WDPCP: variants seen among roughly 807,000 people sequenced by gnomAD.
The protein encoded by WDPCP is WD repeat containing planar cell polarity effector.
A neutral mutation model predicts 93.1 loss-of-function variants in WDPCP; 71 were observed. The observed-to-expected ratio is 0.76, with a 90% CI of 0.63 to 0.93. WDPCP has a LOEUF of 0.93. WDPCP is among the 40% of genes least tolerant of loss of function. WDPCP has a pLI of 0.00. For synonymous variants in WDPCP, 315 were observed against 315.0 expected (o/e 1.00, Z 0.00); for missense variants, 844 against 887.4 (o/e 0.95, Z 0.62).
At chr2:63,220,081 C>A (rs2104474203) in intron 14 of WDPCP, among the ~76,000 whole-genome samples, 1 of 152,234 alleles carries the variant, frequency 6.6e-6, no homozygotes, top group East Asian at 1.9e-4. Context: ...GACTGCACCT[C>A]CTTCTTCTGC....
chr2:63,271,386 C>T (rs1481016531), intron 13 of WDPCP, among the ~76,000 whole-genome samples: 2 of 152,180 alleles, frequency 1.3e-5, no homozygotes, highest in African/African-American at 4.8e-5. Context: ...GATTGATCTG[C>T]TTGTCTGCCA....
intron 2 of WDPCP, among the ~76,000 whole-genome samples, chr2:63,765,637 C>A (rs1295267708): frequency 6.6e-6 from 1 of 152,124 alleles, no homozygotes; most frequent in Non-Finnish European, 1.5e-5. Context: ...AACATTGTCC[C>A]AAAGACATGG....
intron 2 of WDPCP, among the ~76,000 whole-genome samples, chr2:63,760,808 G>C (rs1670046163): frequency 6.6e-6 from 1 of 152,136 alleles, no homozygotes; most frequent in Admixed American, 6.5e-5. Context: ...CCTAAATTCT[G>C]CTTTCCTTGT....
chr2:63,535,363 T>C (rs372614772), intron 1 of WDPCP, among the ~76,000 whole-genome samples: 1 of 152,172 alleles, frequency 6.6e-6, no homozygotes, highest in Non-Finnish European at 1.5e-5. Context: ...AAAACTACTT[T>C]AAAGTTCATA....
intron 14 of WDPCP, among the ~76,000 whole-genome samples, chr2:63,252,805 A>G (rs1559249143): frequency 6.6e-6 from 1 of 152,238 alleles, no homozygotes; most frequent in Non-Finnish European, 1.5e-5. Flanking sequence ...CTGGATTGGA[A>G]AAATCAATAT....
chr2:63,325,033 C>T (rs1363913992), intron 12 of WDPCP, among the ~76,000 whole-genome samples: 2 of 152,148 alleles, frequency 1.3e-5, no homozygotes, highest in Non-Finnish European at 2.9e-5. Context: ...CAGGAGAAAG[C>T]TCCAAAAGCA....
intron 1 of WDPCP, among the ~76,000 whole-genome samples, chr2:63,528,653 C>A (rs980095060): frequency 6.6e-6 from 1 of 152,008 alleles, no homozygotes; most frequent in African/African-American, 2.4e-5. Context: ...TAGCATGATG[C>A]CTCCAGCTTT....
At chr2:63,515,572 CATTT>C (rs1702498491) in intron 1 of WDPCP, among the ~76,000 whole-genome samples, 1 of 152,166 alleles carries the variant, frequency 6.6e-6, no homozygotes, top group African/African-American at 2.4e-5. Context: ...TTAGAGATTG[CATTT>C]ATTTGTTTCT....
chr2:63,604,582 C>T (rs1262923102), intron 3 of WDPCP: 4 of 814,210 alleles, frequency 4.9e-6, no homozygotes, highest in Non-Finnish European at 5.7e-6. Context: ...CTCTTGTGTT[C>T]TCTTGAAATT....
intron 3 of WDPCP, among the ~76,000 whole-genome samples, chr2:63,611,942 T>C (rs1424942201): frequency 2.0e-5 from 3 of 152,190 alleles, no homozygotes; most frequent in African/African-American, 7.2e-5. Context: ...AGAATAGACA[T>C]CTTTAAAACC....
intron 14 of WDPCP, among the ~76,000 whole-genome samples, chr2:63,191,174 C>A (rs1222633152): frequency 6.6e-6 from 1 of 152,174 alleles, no homozygotes; most frequent in African/African-American, 2.4e-5. Flanking sequence ...AGGCGGATCA[C>A]AAGGTCAGGA....
At chr2:63,656,969 AAGT>A (rs1710174339) in intron 2 of WDPCP, among the ~76,000 whole-genome samples, 1 of 152,176 alleles carries the variant, frequency 6.6e-6, no homozygotes, top group African/African-American at 2.4e-5. Flanking sequence ...AGGGAATTCC[AAGT>A]AAGTGCCAAA....
intron 14 of WDPCP, among the ~76,000 whole-genome samples, chr2:63,222,364 C>T (rs191661778): frequency 5.5e-4 from 83 of 152,248 alleles, no homozygotes; most frequent in African/African-American, 1.9e-3. Flanking sequence ...ACAGGATTCC[C>T]TCAACTCCCA....
intron 3 of WDPCP, chr2:63,605,473 T>A: frequency 9.9e-7 from 1 of 1,007,872 alleles, no homozygotes; most frequent in Non-Finnish European, 1.5e-6. Context: ...AATATAGCCT[T>A]AGCAGTCAGT....
chr2:63,363,004 A>C (rs1690601790), intron 12 of WDPCP, among the ~76,000 whole-genome samples: 1 of 152,184 alleles, frequency 6.6e-6, no homozygotes, highest in Non-Finnish European at 1.5e-5. Flanking sequence ...AGAAAATACA[A>C]AGAACAACTT....
chr2:63,823,653 ACAT>A (rs1671064093), intron 1 of WDPCP, among the ~76,000 whole-genome samples: 1 of 152,200 alleles, frequency 6.6e-6, no homozygotes, highest in Non-Finnish European at 1.5e-5. Flanking sequence ...TAAGTTGCAA[ACAT>A]CATAGACATC....
chr2:63,432,277 A>G (rs1259965230), intron 9 of WDPCP, among the ~76,000 whole-genome samples: 1 of 152,194 alleles, frequency 6.6e-6, no homozygotes, highest in South Asian at 2.1e-4. Flanking sequence ...AGCCTCTTCA[A>G]TCTTCCCTAC....
intron 3 of WDPCP, chr2:63,606,887 G>T (rs1709542646): frequency 1.2e-6 from 2 of 1,611,178 alleles, no homozygotes; most frequent in Non-Finnish European, 1.7e-6. Context: ...TTTGTTGAAG[G>T]TCTCCCTATT....
intron 2 of WDPCP, among the ~76,000 whole-genome samples, chr2:63,722,337 C>T (rs372537355): frequency 0.16 from 23,798 of 145,958 alleles, 1,499 homozygotes; most frequent in Middle Eastern, 0.24. Flanking sequence ...CGTCTCTGCC[C>T]GGCCGCCCAT....
Sources: gnomAD v4.1 joint callset for allele counts (sites outside exome capture counted in the v4.1 genomes callset) on GRCh38, gnomAD v4.1.1 for gene constraint, MANE v1.5 for transcripts, NCBI Gene and HGNC (gene_info 2026-07-23, HGNC 2026-07-21) for gene names.